MAP3K19: variants seen among roughly 807,000 people sequenced by gnomAD.
The protein encoded by MAP3K19 is SPS1/STE20-related protein kinase YSK4.
In MAP3K19, 91 loss-of-function variants were observed where a neutral mutation model predicts 114.4. That is an observed-to-expected ratio of 0.80 (90% CI 0.67 to 0.95). The LOEUF is 0.95. MAP3K19 is among the 40% of genes least tolerant of loss of function. The probability of loss-of-function intolerance (pLI) is 0.00; values close to 1 mark genes in which losing one functional copy is unlikely to be tolerated. For synonymous variants in MAP3K19, 518 were observed against 530.5 expected, an observed-to-expected ratio of 0.98 and a Z score of 0.32; for missense variants, 1,471 against 1,573.2, an observed-to-expected ratio of 0.94 and a Z score of 1.10.
rs147672857 is a variant in MAP3K19, at chr2:135,021,771, A to G, written c.82T>C (p.Leu28=). The part of the protein sequence containing the change: ...CHDTNSSPTD[L]MTVTKNQNII... ...TTTTGATTTTTGGTAACTGTCATCA[A>G]ATCAGTTGGAGAAGAGTTTGTATCA... Residue 28 remains leucine, a synonymous_variant, in exon 5 of 13, where the codon TTG becomes CTG. Transcript: ENST00000392915. 33 of 1,613,052 alleles carry G rather than the reference A, an allele frequency of 2.0e-5. No individual in the cohort carries two copies. The East Asian group carries it at 3.1e-4, about 15-fold the overall frequency.
chr2:134,986,065 G>T lies in MAP3K19; in HGVS notation c.2807C>A (p.Ser936Ter), dbSNP rs1174991354. ...TTTTCCAAACATTTGATATGTGATT[G>T]ACTTATTTGCTAAACTATCATGATC... ...YLDHDSLANK[S>*]ITYQMFGKTL... Residue 936 changes from serine (S) to a stop codon, truncating the protein, a stop_gained, in exon 10 of 13, where the codon TCA (serine) becomes TAA (stop). Transcript: ENST00000392915. LOFTEE classifies it high-confidence loss of function. 1.2e-6 allele frequency: 2 copies of T among 1,613,848 alleles called. No homozygotes were observed. The highest frequency in any genetic ancestry group is 2.7e-5 in the African/African-American group (2 of 75,010).
In MAP3K19 at chr2:135,000,148, T is replaced by C; in HGVS notation, c.236-133A>G. 9.4e-6 allele frequency: 6 copies of C among 639,534 alleles called. No homozygotes were observed. The South Asian group carries it at 1.2e-4, about 12-fold the overall frequency. 39.6% of individuals were successfully genotyped at this position (639,534 alleles called of 1,614,324 possible). A position where few individuals can be genotyped will look rare whatever the true frequency, so the allele number is the denominator to read the frequency against. On this transcript the variant is annotated intron_variant, in intron 6 of 12. Coordinates refer to ENST00000392915, the MANE Select transcript of MAP3K19 (RefSeq NM_025052.5). The stretch of plus-strand genomic sequence containing the variant: ...AATGGACATTAATCAGGAGCTGAGG[T>C]TTAGCCATCTTTGTATCTTTCCTGT...
intron 2 of MAP3K19, among the ~76,000 whole-genome samples, chr2:135,039,336 A>C (rs1458459188): frequency 6.6e-6 from 1 of 151,832 alleles, no homozygotes; most frequent in Non-Finnish European, 1.5e-5. Flanking sequence ...GAATACCAGC[A>C]CTTTGTGAGG....
chr2:135,008,625 C>T (rs928719618), intron 5 of MAP3K19, among the ~76,000 whole-genome samples: 1 of 152,158 alleles, frequency 6.6e-6, no homozygotes, highest in Non-Finnish European at 1.5e-5. Flanking sequence ...TTTTTGTACA[C>T]ACATTGCCTT....
At chr2:135,028,516 C>T (rs1028133769) in intron 3 of MAP3K19, among the ~76,000 whole-genome samples, 2 of 150,778 alleles carry the variant, frequency 1.3e-5, no homozygotes, top group African/African-American at 2.4e-5. Flanking sequence ...TGTGATCACG[C>T]CACTGCACTC....
intron 4 of MAP3K19, chr2:135,023,167 C>T: frequency 3.9e-6 from 1 of 257,886 alleles, no homozygotes; most frequent in Non-Finnish European, 7.7e-6. Flanking sequence ...TGCAATCTAT[C>T]TTCTGCCTAC....
chr2:135,009,855 G>T (rs769961153), intron 5 of MAP3K19, among the ~76,000 whole-genome samples: 2 of 152,010 alleles, frequency 1.3e-5, no homozygotes, highest in South Asian at 2.1e-4. Flanking sequence ...CAAGCTCACC[G>T]TTCCAATAAT....
At chr2:135,011,239 G>GT (rs1210062144) in intron 5 of MAP3K19, among the ~76,000 whole-genome samples, 2 of 152,152 alleles carry the variant, frequency 1.3e-5, no homozygotes, top group African/African-American at 4.8e-5. Context: ...CTAATGAAAG[G>GT]TTTTTAAAAA....
intron 5 of MAP3K19, among the ~76,000 whole-genome samples, chr2:135,017,710 T>C (rs1415529540): frequency 6.6e-6 from 1 of 151,408 alleles, no homozygotes. Flanking sequence ...TTGCAGTACA[T>C]CATCTTGATT....
chr2:135,010,868 G>A (rs1354751329), intron 5 of MAP3K19, among the ~76,000 whole-genome samples: 1 of 151,824 alleles, frequency 6.6e-6, no homozygotes, highest in Non-Finnish European at 1.5e-5. Flanking sequence ...TGGACTCAAG[G>A]GATCTTCCCA....
intron 12 of MAP3K19, among the ~76,000 whole-genome samples, chr2:134,966,105 TAA>T (rs1683329286): frequency 6.6e-6 from 1 of 152,236 alleles, no homozygotes; most frequent in African/African-American, 2.4e-5. Flanking sequence ...GCATATATAC[TAA>T]GTTTTCTTTA....
intron 5 of MAP3K19, among the ~76,000 whole-genome samples, chr2:135,015,512 T>G (rs1687523641): frequency 6.6e-6 from 1 of 152,218 alleles, no homozygotes; most frequent in Non-Finnish European, 1.5e-5. Flanking sequence ...TAATGATGTC[T>G]TTAGATAAAA....
intron 5 of MAP3K19, among the ~76,000 whole-genome samples, chr2:135,010,588 T>C (rs1241024253): frequency 2.0e-5 from 3 of 152,120 alleles, no homozygotes; most frequent in Non-Finnish European, 4.4e-5. Context: ...ACATACAGAA[T>C]GTAAAGGCAC....
Position 134,990,123 on chromosome 2 carries a change from T to C in MAP3K19, c.618+1414A>G, listed in dbSNP as rs529367640. On this transcript the variant is annotated intron_variant, in intron 9 of 12. Coordinates refer to ENST00000392915, the MANE Select transcript of MAP3K19 (RefSeq NM_025052.5). Reference sequence around the variant, plus strand: ...TCTAAGGGAGCTACTCAGCTCATTATGTAAAGAACAGAAACACTCCAGAAA... The same window carrying C: ...TCTAAGGGAGCTACTCAGCTCATTACGTAAAGAACAGAAACACTCCAGAAA... Among the ~76,000 whole-genome samples, 15 of 151,942 alleles carry C rather than the reference T, an allele frequency of 9.9e-5. 1 individual carries two copies. In the South Asian group the frequency reaches 3.1e-3, roughly 32 times the overall value.
chr2:135,030,846 CAGG>C (rs1255350747), intron 2 of MAP3K19, among the ~76,000 whole-genome samples: 1 of 152,130 alleles, frequency 6.6e-6, no homozygotes, highest in African/African-American at 2.4e-5. Context: ...CACTTGAGCC[CAGG>C]AGTTCAAGGC....
chr2:134,995,630 A>G (rs1212846863), intron 8 of MAP3K19, among the ~76,000 whole-genome samples: 6 of 152,238 alleles, frequency 3.9e-5, no homozygotes, highest in African/African-American at 1.2e-4. Context: ...AAGTAAGCAA[A>G]TGAAGAAATG....
rs372377231 is a variant in MAP3K19 at position 134,971,179 on chromosome 2, T to C, written c.3921-6263A>G. ...TTCTGTTTCTATTGAGATGGTCATA[T>C]TGTTTTTGTCCTTCATTCTGTTAAT... On this transcript the variant is annotated intron_variant, in intron 12 of 12. Transcript: ENST00000392915. Among the ~76,000 whole-genome samples the C allele has an allele frequency of 5.9e-5, 9 of 152,344 alleles. No individual in the cohort carries two copies. In the East Asian group the frequency reaches 1.3e-3, roughly 23 times the overall value.
intron 4 of MAP3K19, chr2:135,023,716 AC>A: frequency 2.6e-6 from 1 of 384,426 alleles, no homozygotes; most frequent in Non-Finnish European, 5.3e-6. Context: ...TCACTCTCAC[AC>A]CCCACCCAAG....
Position 134,992,979 on chromosome 2 carries a change from C to T in MAP3K19, c.575-1399G>A, listed in dbSNP as rs1437384442. Among the ~76,000 whole-genome samples, 6 of 152,094 alleles carry T rather than the reference C, an allele frequency of 3.9e-5. No individual in the cohort carries two copies. The East Asian group carries it at 7.7e-4, about 20-fold the overall frequency. ...CAGGTGTGAGCCACCGCGCCCAACCCAAGCTGCAGGTTTTATGTGAAATCT... is the reference window on the plus strand; with the variant it reads ...CAGGTGTGAGCCACCGCGCCCAACCTAAGCTGCAGGTTTTATGTGAAATCT... On this transcript the variant is annotated intron_variant, in intron 8 of 12. Coordinates refer to ENST00000392915, the MANE Select transcript of MAP3K19 (RefSeq NM_025052.5).
Sources: gnomAD v4.1 joint callset for allele counts (sites outside exome capture counted in the v4.1 genomes callset) on GRCh38, gnomAD v4.1.1 for gene constraint, MANE v1.5 for transcripts, NCBI Gene and HGNC (gene_info 2026-07-23, HGNC 2026-07-21) for gene names.